The following PHF21B variants were observed in gnomAD, a reference collection of about 807,000 sequenced individuals.
The protein encoded by PHF21B is PHD finger protein 21B.
In PHF21B, 22 loss-of-function variants were observed where a neutral mutation model predicts 62.2. That is an observed-to-expected ratio of 0.35 (90% confidence interval 0.25 to 0.51). The LOEUF is 0.51. Among genes scored for constraint, PHF21B ranks in the 20% least tolerant of loss-of-function variants. The probability of loss-of-function intolerance (pLI) is 0.97; values close to 1 mark genes in which losing one functional copy is unlikely to be tolerated. For synonymous variants in PHF21B, 341 were observed against 314.7 expected, an observed-to-expected ratio of 1.08 and a Z score of -0.88; for missense variants, 701 against 707.9, an observed-to-expected ratio of 0.99 and a Z score of 0.11.
chr22:44,909,869 C>G (rs988430317), intron 5 of PHF21B, among the ~76,000 whole-genome samples: 1 of 152,244 alleles, frequency 6.6e-6, no homozygotes, highest in African/African-American at 2.4e-5. Flanking sequence ...GAGGAAACAG[C>G]TCTCTCCCTT....
intron 2 of PHF21B, among the ~76,000 whole-genome samples, chr22:44,991,567 T>A (rs1224326760): frequency 6.6e-6 from 1 of 151,894 alleles, no homozygotes; most frequent in Admixed American, 6.6e-5. Flanking sequence ...TCCCCCTAGA[T>A]GGTGAGTGAT....
At position 44,996,754 on chromosome 22, in the gene PHF21B, A is replaced by T. The variant is rs1481910005; in HGVS notation, c.120+11791T>A. On this transcript the variant is annotated intron_variant, in intron 2 of 12. Coordinates refer to ENST00000313237, the MANE Select transcript of PHF21B (RefSeq NM_138415.5). ...CAAACACACACAAACACCCACATGC[A>T]CACACGGATCCACACACGTGCATGC... Among the ~76,000 whole-genome samples the T allele has an allele frequency of 2.6e-5, 4 of 151,026 alleles. No individual in the cohort carries two copies. The East Asian group carries it at 7.9e-4, about 30-fold the overall frequency.
At chr22:44,944,253 C>T (rs1438475243) in intron 2 of PHF21B, among the ~76,000 whole-genome samples, 2 of 152,238 alleles carry the variant, frequency 1.3e-5, no homozygotes, top group African/African-American at 2.4e-5. Flanking sequence ...AAAACCACGT[C>T]CTTTCAAGGG....
At chr22:44,973,924 G>T (rs1314765320) in intron 2 of PHF21B, among the ~76,000 whole-genome samples, 1 of 152,152 alleles carries the variant, frequency 6.6e-6, no homozygotes, top group African/African-American at 2.4e-5. Flanking sequence ...AGAAGAGGAG[G>T]CAGGTAAGGA....
intron 2 of PHF21B, among the ~76,000 whole-genome samples, chr22:44,997,038 C>A (rs1601693827): frequency 6.6e-6 from 1 of 152,234 alleles, no homozygotes; most frequent in Non-Finnish European, 1.5e-5. Context: ...CCTGTCTCCC[C>A]CCCGAGTCTC....
At chr22:44,960,956 A>AT (rs58426065) in intron 2 of PHF21B, among the ~76,000 whole-genome samples, 8,519 of 120,722 alleles carry the variant, frequency 0.071, 525 homozygotes, top group South Asian at 0.12. Context: ...ACGTGAGTTG[A>AT]TTTTTTTTTT....
intron 2 of PHF21B, among the ~76,000 whole-genome samples, chr22:44,939,456 C>A (rs11704788): frequency 0.071 from 10,767 of 152,290 alleles, 398 homozygotes; most frequent in Middle Eastern, 0.14. Flanking sequence ...GCGCACTGAG[C>A]AAATGCCAAG....
rs571459990 is a variant in PHF21B, at chr22:44,919,230, C to A, written c.213+1168G>T. Among the ~76,000 whole-genome samples the A allele has an allele frequency of 1.2e-3, 182 of 152,320 alleles. 1 individual carries two copies. The highest frequency in any genetic ancestry group is 2.0e-3 in the Non-Finnish European group (137 of 68,034). On this transcript the variant is annotated intron_variant, in intron 3 of 12. Coordinates refer to ENST00000313237, the MANE Select transcript of PHF21B (RefSeq NM_138415.5). Reference sequence around the variant, plus strand: ...TGGCATGGCCCGATCACCCTGGACTCACAGTATCTGTTTTTCCTTGTCTGT... The same window carrying A: ...TGGCATGGCCCGATCACCCTGGACTAACAGTATCTGTTTTTCCTTGTCTGT...
intron 2 of PHF21B, among the ~76,000 whole-genome samples, chr22:44,922,929 A>C (rs2071562836): frequency 6.6e-6 from 1 of 152,200 alleles, no homozygotes; most frequent in African/African-American, 2.4e-5. Context: ...CCTCAAATCA[A>C]AATCTCAGTC....
intron 2 of PHF21B, among the ~76,000 whole-genome samples, chr22:44,953,331 T>A (rs1038951362): frequency 2.0e-5 from 3 of 152,106 alleles, no homozygotes; most frequent in Non-Finnish European, 4.4e-5. Context: ...CTCACAGCAA[T>A]TCCTGTCTTT....
At chr22:44,955,874 T>C (rs1037229714) in intron 2 of PHF21B, among the ~76,000 whole-genome samples, 1 of 152,170 alleles carries the variant, frequency 6.6e-6, no homozygotes, top group African/African-American at 2.4e-5. Flanking sequence ...TGCTTAGAAT[T>C]GAGTCGGGCC....
chr22:44,938,574 C>T (rs978496319), intron 2 of PHF21B, among the ~76,000 whole-genome samples: 2 of 152,214 alleles, frequency 1.3e-5, no homozygotes, highest in African/African-American at 4.8e-5. Flanking sequence ...CAGCTCCAAC[C>T]CTCATAGAAA....
At chr22:44,962,776 C>A (rs535485718) in intron 2 of PHF21B, among the ~76,000 whole-genome samples, 34 of 152,084 alleles carry the variant, frequency 2.2e-4, no homozygotes, top group African/African-American at 7.5e-4. Context: ...AGGTGCCTCA[C>A]GGAACGGTGG....
intron 2 of PHF21B, among the ~76,000 whole-genome samples, chr22:44,986,781 T>C (rs1483554832): frequency 2.6e-5 from 4 of 151,620 alleles, no homozygotes; most frequent in African/African-American, 7.3e-5. Context: ...TTCCTGGAGC[T>C]GGGGAGAGGG....
intron 2 of PHF21B, among the ~76,000 whole-genome samples, chr22:44,934,189 C>T (rs1179413034): frequency 6.6e-6 from 1 of 152,178 alleles, no homozygotes; most frequent in Non-Finnish European, 1.5e-5. Context: ...GCTCAGAGTC[C>T]CATCGGCCAC....
chr22:44,883,103 G>T lies in PHF21B; in HGVS notation c.1579C>A (p.Pro527Thr). ...CCTCGGGGTCAGTTGTGGCCCTGGG[G>T]GTGCTGGACGGTGGGGTGTGTGGCT... Reference protein sequence around the residue: ...VAATHPTVQHPQGHN With the variant: ...VAATHPTVQHTQGHN Residue 527 changes from proline (P) to threonine (T), a missense_variant, in exon 13 of 13, where the codon CCC becomes ACC. Pro to Thr is a conservative substitution (Grantham distance 38, BLOSUM62 -1). Coordinates refer to ENST00000313237, the MANE Select transcript of PHF21B (RefSeq NM_138415.5). The T allele has an allele frequency of 6.2e-7, 1 of 1,611,350 alleles. No homozygotes were observed. The highest frequency in any genetic ancestry group is 8.5e-7 in the Non-Finnish European group (1 of 1,179,586).
At chr22:44,969,638 C>A (rs1398684475) in intron 2 of PHF21B, among the ~76,000 whole-genome samples, 1 of 152,016 alleles carries the variant, frequency 6.6e-6, no homozygotes, top group Non-Finnish European at 1.5e-5. Context: ...TGCACTCCAG[C>A]CTGGGTCATA....
intron 2 of PHF21B, among the ~76,000 whole-genome samples, chr22:44,922,197 G>A (rs938884387): frequency 6.6e-6 from 1 of 152,206 alleles, no homozygotes; most frequent in African/African-American, 2.4e-5. Context: ...GGGCTGCTTT[G>A]CCATTTGAAA....
At chr22:44,927,220 C>T (rs1407392465) in intron 2 of PHF21B, among the ~76,000 whole-genome samples, 2 of 152,114 alleles carry the variant, frequency 1.3e-5, no homozygotes, top group Admixed American at 6.5e-5. Flanking sequence ...ACACAACCCG[C>T]CCTGGGGAAA....
Sources: gnomAD v4.1 joint callset for allele counts (sites outside exome capture counted in the v4.1 genomes callset) on GRCh38, gnomAD v4.1.1 for gene constraint, MANE v1.5 for transcripts, NCBI Gene and HGNC (gene_info 2026-07-23, HGNC 2026-07-21) for gene names.